OR10Z1: variants seen among roughly 807,000 people sequenced by gnomAD.
OR10Z1 encodes olfactory receptor 10Z1.
For synonymous variants in OR10Z1, 187 were observed against 151.2 expected (o/e 1.24, Z -1.74); for missense variants, 468 against 371.0 (o/e 1.26, Z -2.15).
rs1649122776 is a variant in OR10Z1 at position 158,608,659 on chromosome 1, AG to A, written c.*1281del. ...AAATAGTATCTGAACTTGTTCCTAA[AG>A]GATGGGTGAGCTTTGAATGCACTGA... On this transcript the variant is annotated 3_prime_UTR_variant, in exon 2 of 2. Transcript: ENST00000641002. The A allele has an allele frequency of 6.6e-6, 1 of 152,214 alleles. No homozygotes were observed. Among genetic ancestry groups the A allele is most frequent in the African/African-American group, 2.4e-5 (1 of 41,470 alleles). The allele number at this position is 152,214 out of a possible 1,614,324, so 9.4% of individuals were successfully genotyped here.
chr1:158,606,393 C>A lies in OR10Z1; in HGVS notation c.-46C>A, dbSNP rs770306609. 2 of 1,242,148 alleles carry A rather than the reference C, an allele frequency of 1.6e-6. No homozygotes were observed. The highest frequency in any genetic ancestry group is 2.0e-5 in the Admixed American group (1 of 49,638). The allele number at this position is 1,242,148 out of a possible 1,614,324, so 76.9% of individuals were successfully genotyped here. On this transcript the variant is annotated 5_prime_UTR_variant, in exon 2 of 2. Transcript: ENST00000641002. Reference sequence around the variant, plus strand: ...TTTAAAGAAGTTAGGCATCTACTGGCAAGGTGGAAGAAATCAACAAATCTA... The same window carrying A: ...TTTAAAGAAGTTAGGCATCTACTGGAAAGGTGGAAGAAATCAACAAATCTA...
chr1:158,605,717 A>G (rs1009386649), intron 1 of OR10Z1, among the ~76,000 whole-genome samples: 2 of 152,114 alleles, frequency 1.3e-5, no homozygotes, highest in Non-Finnish European at 2.9e-5. Context: ...TTGTATGGGG[A>G]AAATAAGGAT....
At position 158,610,935 on chromosome 1, in the gene OR10Z1, T is replaced by G; in HGVS notation, c.*3555T>G. 1 of 242,336 alleles carries G rather than the reference T, an allele frequency of 4.1e-6. No individual in the cohort carries two copies. Among genetic ancestry groups the G allele is most frequent in the Non-Finnish European group, 8.2e-6 (1 of 121,892 alleles). The allele number at this position is 242,336 out of a possible 1,614,324, so 15.0% of individuals were successfully genotyped here. The stretch of plus-strand genomic sequence containing the variant: ...AATATTTTTAAAAAGAATTACTTTA[T>G]TCTATAATCGGAATAAAGCAAAATG... On this transcript the variant is annotated 3_prime_UTR_variant, in exon 2 of 2. Coordinates refer to ENST00000641002, the MANE Select transcript of OR10Z1 (RefSeq NM_001004478.2).
In OR10Z1 at chr1:158,607,570, C is replaced by A. The variant is rs1229968174; in HGVS notation, c.*190C>A. The A allele has an allele frequency of 6.0e-6, 3 of 500,892 alleles. No homozygotes were observed. The highest frequency in any genetic ancestry group is 4.2e-5 in the South Asian group (1 of 23,828). 31.0% of individuals were successfully genotyped at this position (500,892 alleles called of 1,614,324 possible). A position where few individuals can be genotyped will look rare whatever the true frequency, so the allele number is the denominator to read the frequency against. On this transcript the variant is annotated 3_prime_UTR_variant, in exon 2 of 2. Coordinates refer to ENST00000641002, the MANE Select transcript of OR10Z1 (RefSeq NM_001004478.2). Reference sequence around the variant, plus strand: ...CAGAGGCGGGGCTTCCTGCTCTGCTCACTGTGCACAACTCAAAATGAGCCC... The same window carrying A: ...CAGAGGCGGGGCTTCCTGCTCTGCTAACTGTGCACAACTCAAAATGAGCCC...
chr1:158,606,563 A>G lies in OR10Z1; in HGVS notation c.125A>G (p.Asn42Ser), dbSNP rs143498524. Reference sequence around the variant, plus strand: ...CTGTATCTAGTCACTCTGACCAGCAATGTCTTCATTATCATAGCCATCAGG... The same window carrying G: ...CTGTATCTAGTCACTCTGACCAGCAGTGTCTTCATTATCATAGCCATCAGG... ...LSLYLVTLTS[N>S]VFIIIAIRLD... is the part of the protein sequence containing the mutation. The change falls in exon 2 of 2, where the codon AAT becomes AGT. Residue 42 changes from asparagine to serine, a missense_variant. Transcript: ENST00000641002. 1 of 1,613,918 alleles carries G rather than the reference A, an allele frequency of 6.2e-7. No individual in the cohort carries two copies. The highest frequency in any genetic ancestry group is 8.5e-7 in the Non-Finnish European group (1 of 1,179,898).
rs1649137811 is a variant in OR10Z1 at position 158,609,124 on chromosome 1, T to C, written c.*1744T>C. The C allele has an allele frequency of 6.6e-6, 1 of 152,144 alleles. No individual in the cohort carries two copies. Among genetic ancestry groups the C allele is most frequent in the Admixed American group, 6.6e-5 (1 of 15,256 alleles). The allele number at this position is 152,144 out of a possible 1,614,324, so 9.4% of individuals were successfully genotyped here. A position where few individuals can be genotyped will look rare whatever the true frequency, so the allele number is the denominator to read the frequency against. On this transcript the variant is annotated 3_prime_UTR_variant, in exon 2 of 2. Transcript: ENST00000641002. Reference sequence around the variant, plus strand: ...AACATGAGATTTTGAGAAGGTAGAATTCACAGGATTTGGCAGTGAGATAGA... The same window carrying C: ...AACATGAGATTTTGAGAAGGTAGAACTCACAGGATTTGGCAGTGAGATAGA...
In OR10Z1 at chr1:158,611,009, C is replaced by T. The variant is rs1649220912; in HGVS notation, c.*3629C>T. ...AATAAAAATAGAAACTTTGACACCCCTCAGCAGTGACTAGTTGCATACAAA... is the reference window on the plus strand; with the variant it reads ...AATAAAAATAGAAACTTTGACACCCTTCAGCAGTGACTAGTTGCATACAAA... On this transcript the variant is annotated 3_prime_UTR_variant, in exon 2 of 2. Transcript: ENST00000641002. 2.1e-6 allele frequency: 1 copy of T among 477,212 alleles called. No homozygotes were observed. Among genetic ancestry groups the T allele is most frequent in the Non-Finnish European group, 3.8e-6 (1 of 260,728 alleles). 29.6% of individuals were successfully genotyped at this position (477,212 alleles called of 1,614,324 possible). A position where few individuals can be genotyped will look rare whatever the true frequency, so the allele number is the denominator to read the frequency against.
chr1:158,611,166 C>A lies in OR10Z1; in HGVS notation c.*3786C>A, dbSNP rs568682203. 1.4e-5 allele frequency: 20 copies of A among 1,387,710 alleles called. No homozygotes were observed. Among genetic ancestry groups the A allele is most frequent in the Non-Finnish European group, 1.6e-5 (16 of 989,748 alleles). The allele number at this position is 1,387,710 out of a possible 1,614,324, so 86.0% of individuals were successfully genotyped here. On this transcript the variant is annotated 3_prime_UTR_variant, in exon 2 of 2. Coordinates refer to ENST00000641002, the MANE Select transcript of OR10Z1 (RefSeq NM_001004478.2). ...ACACACACACACACACACACACACACGAGGCCATCTTTATCTTCCACATTT... is the reference window on the plus strand; with the variant it reads ...ACACACACACACACACACACACACAAGAGGCCATCTTTATCTTCCACATTT...
chr1:158,607,497 G>C lies in OR10Z1; in HGVS notation c.*117G>C. The C allele has an allele frequency of 1.3e-6, 1 of 761,934 alleles. No homozygotes were observed. Among genetic ancestry groups the C allele is most frequent in the Non-Finnish European group, 2.1e-6 (1 of 470,546 alleles). The allele number at this position is 761,934 out of a possible 1,614,324, so 47.2% of individuals were successfully genotyped here. On this transcript the variant is annotated 3_prime_UTR_variant, in exon 2 of 2. Coordinates refer to ENST00000641002, the MANE Select transcript of OR10Z1 (RefSeq NM_001004478.2). ...AAGCTGTCCTACCCCCAATCTTCTG[G>C]GAAAGCCTTATCCTGCCTCTTGCCC...
rs1649088489 is a variant in OR10Z1, at chr1:158,607,379, G to T, written c.941G>T (p.Ter314LeuextTer5). 7.5e-6 allele frequency: 12 copies of T among 1,608,032 alleles called. No individual in the cohort carries two copies. The East Asian group carries it at 2.7e-4, about 36-fold the overall frequency. The change falls in exon 2 of 2, where the codon TGA becomes TTA. Residue 314 changes from the stop codon to leucine (L), a stop_lost. Transcript: ENST00000641002. The part of the protein sequence containing the change: ...AFRGRLLGKG[*>L] ...AGAGGGAGATTGCTGGGTAAAGGAT[G>T]AAGGTTACCCCAATAGGACACTTTC...
chr1:158,612,140 T>G lies in OR10Z1; in HGVS notation c.*4760T>G, dbSNP rs1649293619. The G allele has an allele frequency of 6.4e-6, 1 of 155,306 alleles. No individual in the cohort carries two copies. The highest frequency in any genetic ancestry group is 2.4e-5 in the African/African-American group (1 of 41,474). 9.6% of individuals were successfully genotyped at this position (155,306 alleles called of 1,614,324 possible). On this transcript the variant is annotated 3_prime_UTR_variant, in exon 2 of 2. Transcript: ENST00000641002. ...CCTTTCACTTTCTGTTACTATCTTCTTACCTTATGCTTTAGGTATTAGGAA... is the reference window on the plus strand; with the variant it reads ...CCTTTCACTTTCTGTTACTATCTTCGTACCTTATGCTTTAGGTATTAGGAA...
Position 158,612,486 on chromosome 1 carries a change from C to A in OR10Z1, c.*5106C>A. ...CTACACCTGAATTTAGGGACTGTGT[C>A]TTACTAAAGTTTGCACTCCTCATGC... On this transcript the variant is annotated 3_prime_UTR_variant, in exon 2 of 2. Coordinates refer to ENST00000641002, the MANE Select transcript of OR10Z1 (RefSeq NM_001004478.2). 1 of 349,994 alleles carries A rather than the reference C, an allele frequency of 2.9e-6. No homozygotes were observed. Among genetic ancestry groups the A allele is most frequent in the Non-Finnish European group, 5.5e-6 (1 of 182,810 alleles). 21.7% of individuals were successfully genotyped at this position (349,994 alleles called of 1,614,324 possible). A position where few individuals can be genotyped will look rare whatever the true frequency, so the allele number is the denominator to read the frequency against.
rs1158568704 is a variant in OR10Z1, at chr1:158,608,300, T to C, written c.*920T>C. On this transcript the variant is annotated 3_prime_UTR_variant, in exon 2 of 2. Coordinates refer to ENST00000641002, the MANE Select transcript of OR10Z1 (RefSeq NM_001004478.2). ...TGCCTATTCCACTTTCCACATATAATGTGGTTATATATAGCGGCGGACATT... is the reference window on the plus strand; with the variant it reads ...TGCCTATTCCACTTTCCACATATAACGTGGTTATATATAGCGGCGGACATT... 1 of 152,144 alleles carries C rather than the reference T, an allele frequency of 6.6e-6. No individual in the cohort carries two copies. Among genetic ancestry groups the C allele is most frequent in the Non-Finnish European group, 1.5e-5 (1 of 68,018 alleles). 9.4% of individuals were successfully genotyped at this position (152,144 alleles called of 1,614,324 possible).
chr1:158,610,972 C>A lies in OR10Z1; in HGVS notation c.*3592C>A, dbSNP rs1649219149. On this transcript the variant is annotated 3_prime_UTR_variant, in exon 2 of 2. Transcript: ENST00000641002. ...AATAAAGCAAAATGATAAAGACGTG[C>A]AAAACAGAACAAATAAAAATAGAAA... 3.1e-6 allele frequency: 1 copy of A among 320,378 alleles called. No individual in the cohort carries two copies. Among genetic ancestry groups the A allele is most frequent in the African/African-American group, 2.1e-5 (1 of 46,898 alleles). 19.8% of individuals were successfully genotyped at this position (320,378 alleles called of 1,614,324 possible).
Position 158,610,873 on chromosome 1 carries a change from A to G in OR10Z1, c.*3493A>G, listed in dbSNP as rs1649208023. The G allele has an allele frequency of 5.0e-6, 1 of 200,754 alleles. No homozygotes were observed. Among genetic ancestry groups the G allele is most frequent in the Non-Finnish European group, 1.0e-5 (1 of 97,066 alleles). 12.4% of individuals were successfully genotyped at this position (200,754 alleles called of 1,614,324 possible). ...TTATATGAGTACAGTTCCCAGAAAT[A>G]TAGAAGCTCAACATTTTACTTAACT... On this transcript the variant is annotated 3_prime_UTR_variant, in exon 2 of 2. Transcript: ENST00000641002.
chr1:158,606,765 T>C lies in OR10Z1; in HGVS notation c.327T>C (p.Cys109=), dbSNP rs139659196. The change falls in exon 2 of 2, where the codon TGT becomes TGC. Residue 109 remains cysteine, a synonymous_variant. Coordinates refer to ENST00000641002, the MANE Select transcript of OR10Z1 (RefSeq NM_001004478.2). ...TGTTCTTTTCTGCCTCATGGGCCTG[T>C]ACTAACTGCTTCCTTCTGGCTGCCA... The part of the protein sequence containing the change: ...AQMFFSASWA[C]TNCFLLAAMG... The C allele has an allele frequency of 6.2e-7, 1 of 1,613,978 alleles. No individual in the cohort carries two copies. The highest frequency in any genetic ancestry group is 8.5e-7 in the Non-Finnish European group (1 of 1,179,984).
Position 158,608,461 on chromosome 1 carries a change from T to C in OR10Z1, c.*1081T>C, listed in dbSNP as rs1428144799. 3.9e-5 allele frequency: 6 copies of C among 152,126 alleles called. No individual in the cohort carries two copies. The highest frequency in any genetic ancestry group is 3.9e-4 in the Admixed American group (6 of 15,264). The allele number at this position is 152,126 out of a possible 1,614,324, so 9.4% of individuals were successfully genotyped here. The stretch of plus-strand genomic sequence containing the variant: ...CTTCCGAGTCTTATCTTTACAATGG[T>C]TGGTGACTAAACAGGATCATGCATA... On this transcript the variant is annotated 3_prime_UTR_variant, in exon 2 of 2. Coordinates refer to ENST00000641002, the MANE Select transcript of OR10Z1 (RefSeq NM_001004478.2).
chr1:158,608,935 G>A lies in OR10Z1; in HGVS notation c.*1555G>A, dbSNP rs1445526124. 6.6e-6 allele frequency: 1 copy of A among 152,182 alleles called. No homozygotes were observed. Among genetic ancestry groups the A allele is most frequent in the African/African-American group, 2.4e-5 (1 of 41,420 alleles). The allele number at this position is 152,182 out of a possible 1,614,324, so 9.4% of individuals were successfully genotyped here. On this transcript the variant is annotated 3_prime_UTR_variant, in exon 2 of 2. Transcript: ENST00000641002. ...ACGTTGAACAGAGAGAGGCATCTGG[G>A]AAGGGATTCAGGAAGATTAATCCAG...
At position 158,607,013 on chromosome 1, in the gene OR10Z1, C is replaced by T; in HGVS notation, c.575C>T (p.Thr192Ile). The T allele has an allele frequency of 6.2e-7, 1 of 1,614,044 alleles. No homozygotes were observed. Among genetic ancestry groups the T allele is most frequent in the Non-Finnish European group, 8.5e-7 (1 of 1,179,966 alleles). Residue 192 changes from threonine to isoleucine, a missense_variant, in exon 2 of 2, where the codon ACA (threonine) becomes ATA (isoleucine). Thr to Ile is a moderately conservative substitution (Grantham distance 89). Transcript: ENST00000641002. ...PPVLSLACGD[T>I]GPSELRIFIL... ...GTGCTGAGCCTAGCCTGTGGAGATA[C>T]AGGCCCGAGTGAGCTGAGGATCTTT...
Sources: gnomAD v4.1 joint callset for allele counts (sites outside exome capture counted in the v4.1 genomes callset) on GRCh38, gnomAD v4.1.1 for gene constraint, MANE v1.5 for transcripts, NCBI Gene and HGNC (gene_info 2026-07-23, HGNC 2026-07-21) for gene names.